The following NR1H3 variants were observed in gnomAD, a reference collection of about 807,000 sequenced individuals.
The protein encoded by NR1H3 is nuclear receptor subfamily 1 group H member 3, also known as oxysterols receptor LXR-alpha.
A neutral mutation model predicts 48.1 loss-of-function variants in NR1H3; 19 were observed. The observed-to-expected ratio is 0.40, with a 90% confidence interval of 0.28 to 0.58. The LOEUF (loss-of-function observed/expected upper bound fraction) is 0.58, where lower values mean the gene tolerates loss of function less well. Ranked by LOEUF, NR1H3 falls within the 20% of genes least tolerant of loss-of-function variation. NR1H3 has a pLI of 0.50. For synonymous variants in NR1H3, 232 were observed against 227.3 expected (o/e 1.02, Z -0.19); for missense variants, 486 against 595.9 (o/e 0.82, Z 1.92).
chr11:47,255,596 T>A, upstream of NR1H3, among the ~76,000 whole-genome samples: 1 of 64,228 alleles, frequency 1.6e-5, no homozygotes, highest in Non-Finnish European at 2.9e-5. Flanking sequence ...TTTCTTTCTT[T>A]CTCTCTCTCT....
intron 7 of NR1H3, among the ~76,000 whole-genome samples, chr11:47,262,225 A>C (rs1955964436): frequency 6.6e-6 from 1 of 151,942 alleles, no homozygotes; most frequent in African/African-American, 2.4e-5. Flanking sequence ...TGAAAATACA[A>C]AAAATTAGTC....
At chr11:47,259,564 C>G (rs538112886) in intron 2 of NR1H3, 187 of 1,466,594 alleles carry the variant, frequency 1.3e-4, no homozygotes, top group Middle Eastern at 5.6e-4. Context: ...CTCCAGCCCC[C>G]CAAAGGGACA....
At chr11:47,255,501 A>G (rs1012010911), upstream of NR1H3, among the ~76,000 whole-genome samples, 57 of 151,852 alleles carry the variant, frequency 3.8e-4, no homozygotes, top group African/African-American at 1.3e-3. Flanking sequence ...CTCAAACACT[A>G]TGTGCCACAC....
At chr11:47,248,689 C>G (rs578168521), upstream of NR1H3, 2 of 1,611,536 alleles carry the variant, frequency 1.2e-6, no homozygotes, top group African/African-American at 2.7e-5. Flanking sequence ...GGTAACGAAG[C>G]GCAGACTCCG....
Position 47,268,661 on chromosome 11 carries a change from C to G in NR1H3, c.1309C>G (p.Pro437Ala). Residue 437 changes from proline to alanine, a missense_variant, in exon 10 of 10, where the codon CCG becomes GCG. Physicochemically the swap from Pro to Ala is conservative, Grantham distance 27. Coordinates refer to ENST00000441012, the MANE Select transcript of NR1H3 (RefSeq NM_005693.4). ...GCGTCTGCAGGACAAAAAGCTCCCA[C>G]CGCTGCTCTCTGAGATCTGGGATGT... The part of the protein sequence containing the change: ...ALRLQDKKLP[P>A]LLSEIWDVHE 6.2e-7 allele frequency: 1 copy of G among 1,614,224 alleles called. No homozygotes were observed. Among genetic ancestry groups the G allele is most frequent in the South Asian group, 1.1e-5 (1 of 91,088 alleles).
In NR1H3 at chr11:47,260,669, G is replaced by C; in HGVS notation, c.493G>C (p.Glu165Gln). Residue 165 changes from glutamate to glutamine, a missense_variant, in exon 4 of 10, where the codon GAG becomes CAG. By Grantham distance (29) the Glu-to-Gln change is conservative (BLOSUM62 2). Transcript: ENST00000441012. The stretch of plus-strand genomic sequence containing the variant: ...CAAATGCCGTCAGGCTGGCATGCGG[G>C]AGGAGTGTGAGTTTCTGGGGCTGGA... ...LRKCRQAGMR[E>Q]ECVLSEEQIR... 1 of 1,595,094 alleles carries C rather than the reference G, an allele frequency of 6.3e-7. No individual in the cohort carries two copies. The highest frequency in any genetic ancestry group is 1.3e-5 in the African/African-American group (1 of 74,932).
At position 47,251,314 on chromosome 11, in the gene NR1H3, T is replaced by C. The variant is rs901955085; in HGVS notation, c.-93+2315T>C. Among the ~76,000 whole-genome samples the C allele has an allele frequency of 3.3e-5, 5 of 151,680 alleles. No homozygotes were observed. In the South Asian group the frequency reaches 1.0e-3, roughly 31 times the overall value. Reference sequence around the variant, plus strand: ...GTCAAAGGAAACCTTTTCAAATTAGTTGGACTAAACGGGACCTAGGCCGGA... The same window carrying C: ...GTCAAAGGAAACCTTTTCAAATTAGCTGGACTAAACGGGACCTAGGCCGGA... On this transcript the variant is annotated intron_variant, in intron 1 of 8. Transcript: ENST00000395397.
At chr11:47,249,399 C>A (rs895558070) in intron 1 of NR1H3, among the ~76,000 whole-genome samples, 4 of 152,156 alleles carry the variant, frequency 2.6e-5, no homozygotes, top group African/African-American at 9.7e-5. Context: ...TCTCACTTTC[C>A]CTTCCAGTCC....
At chr11:47,267,547 C>T (rs1440286710) in intron 7 of NR1H3, among the ~76,000 whole-genome samples, 1 of 150,036 alleles carries the variant, frequency 6.7e-6, no homozygotes, top group African/African-American at 2.5e-5. Context: ...CTCGCTCTAT[C>T]GCCCAGGCTG....
At chr11:47,262,101 C>T in intron 7 of NR1H3, 83 bp downstream of exon 7, 1 of 1,061,970 alleles carries the variant, frequency 9.4e-7, no homozygotes, top group East Asian at 2.5e-5. Flanking sequence ...AATTGAGGGC[C>T]AGGCGCGGTG....
chr11:47,252,739 A>C (rs1175086056), intron 1 of NR1H3, among the ~76,000 whole-genome samples: 2 of 148,546 alleles, frequency 1.3e-5, no homozygotes, highest in African/African-American at 5.0e-5. Context: ...ACACCTGGCT[A>C]ATTTTTTTGG....
intron 1 of NR1H3, among the ~76,000 whole-genome samples, chr11:47,252,403 A>G (rs546662770): frequency 2.4e-4 from 36 of 152,044 alleles, no homozygotes; most frequent in Admixed American, 1.2e-3. Flanking sequence ...CTGGGATTAC[A>G]GGCATGTGCC....
chr11:47,267,805 G>A lies in NR1H3; in HGVS notation c.989-108G>A, dbSNP rs1170210402. On this transcript the variant is annotated intron_variant, in intron 7 of 9. Coordinates refer to ENST00000441012, the MANE Select transcript of NR1H3 (RefSeq NM_005693.4). Reference sequence around the variant, plus strand: ...ATTACAGGCGTGAGCCACTGTGCCCGGCCTCAGTAAACTTCTTAGTGAGTT... The same window carrying A: ...ATTACAGGCGTGAGCCACTGTGCCCAGCCTCAGTAAACTTCTTAGTGAGTT... 10 of 783,150 alleles carry A rather than the reference G, an allele frequency of 1.3e-5. No individual in the cohort carries two copies. In the African/African-American group the frequency reaches 1.4e-4, roughly 11 times the overall value. 48.5% of individuals were successfully genotyped at this position (783,150 alleles called of 1,614,324 possible).
intron 5 of NR1H3, 32 bp downstream of exon 5, chr11:47,261,481 G>A (rs369369158): frequency 1.4e-5 from 22 of 1,610,866 alleles, no homozygotes; most frequent in African/African-American, 2.7e-5. Flanking sequence ...AGGCGGCTGC[G>A]CCCAGATCAC....
chr11:47,261,197 CTTTCCCCATCT>C (rs781458651), intron 4 of NR1H3, 33 bp from the exon 5 acceptor site: 12 of 1,537,530 alleles, frequency 7.8e-6, no homozygotes, highest in Non-Finnish European at 1.1e-5. Flanking sequence ...TTGCCCCATC[CTTTCCCCATCT>C]GCTCCCTTCC....
At chr11:47,261,778 T>C (rs1955898776) in intron 6 of NR1H3, 52 bp downstream of exon 6, 6 of 1,612,270 alleles carry the variant, frequency 3.7e-6, no homozygotes, top group Non-Finnish European at 4.2e-6. Flanking sequence ...GGATTATCTG[T>C]GGGAGGGGCC....
intron 7 of NR1H3, among the ~76,000 whole-genome samples, chr11:47,266,320 C>T (rs149716947): frequency 3.0e-4 from 45 of 151,446 alleles, no homozygotes; most frequent in African/African-American, 9.2e-4. Context: ...TGTGAACCAC[C>T]GTGCCCTGCT....
rs1472891842 is a variant in NR1H3 at position 47,261,571 on chromosome 11, C to T, written c.733C>T (p.His245Tyr). ...VTPWPMAPDP[H>Y]SREARQQRFA... ...GCCTTGGCCCATGGCACCAGATCCC[C>T]ATAGCCGGGAGGCCCGTCAGCAGCG... The change falls in exon 6 of 10, where the codon CAT (histidine) becomes TAT (tyrosine). Residue 245 changes from histidine to tyrosine, a missense_variant. Coordinates refer to ENST00000441012, the MANE Select transcript of NR1H3 (RefSeq NM_005693.4). 1 of 1,614,226 alleles carries T rather than the reference C, an allele frequency of 6.2e-7. No homozygotes were observed. The highest frequency in any genetic ancestry group is 1.1e-5 in the South Asian group (1 of 91,088).
intron 2 of NR1H3, 102 bp downstream of exon 2, chr11:47,259,361 A>G: frequency 6.2e-7 from 1 of 1,601,748 alleles, no homozygotes; most frequent in Non-Finnish European, 8.5e-7. Flanking sequence ...CTTCCTCCAG[A>G]GAGCAGTCCA....
Sources: allele counts gnomAD v4.1 joint callset (sites outside exome capture counted in the v4.1 genomes callset), GRCh38; gene constraint gnomAD v4.1.1; transcripts MANE v1.5; gene names NCBI Gene and HGNC (gene_info 2026-07-23, HGNC 2026-07-21).